Variants in STK32B observed in about 807,000 individuals in gnomAD.
STK32B encodes serine/threonine kinase 32B.
A neutral mutation model predicts 52.6 loss-of-function variants in STK32B; 43 were observed. The ratio of observed to expected loss-of-function variants is 0.82; its 90% CI spans 0.64 to 1.05. STK32B has a LOEUF of 1.05. Ranked by LOEUF, STK32B falls within the 50% of genes least tolerant of loss-of-function variation. The pLI is 0.00. For missense variants in STK32B, 621 were observed against 534.6 expected (o/e 1.16, Z -1.59); for synonymous variants, 238 against 204.3 (o/e 1.17, Z -1.41).
chr4:5,496,633 A>G (rs1328813430), intron 11 of STK32B, among the ~76,000 whole-genome samples: 1 of 151,834 alleles, frequency 6.6e-6, no homozygotes, highest in Non-Finnish European at 1.5e-5. Flanking sequence ...GAAATCACCC[A>G]TCTTCTGCGT....
chr4:5,166,153 C>A (rs1288936875), intron 2 of STK32B, among the ~76,000 whole-genome samples: 1 of 152,046 alleles, frequency 6.6e-6, no homozygotes, highest in African/African-American at 2.4e-5. Flanking sequence ...GGCTGTGACA[C>A]CAGGAGAAAA....
chr4:5,022,907 C>T, the STK32B span, among the ~76,000 whole-genome samples: 1 of 152,156 alleles, frequency 6.6e-6, no homozygotes, highest in African/African-American at 2.4e-5. Flanking sequence ...CCTAGTGTTT[C>T]TGGAGCCCCT....
chr4:5,095,547 AG>A (rs1459345977), intron 1 of STK32B, among the ~76,000 whole-genome samples: 2 of 152,180 alleles, frequency 1.3e-5, no homozygotes, highest in African/African-American at 4.8e-5. Context: ...CCTGGAAGGT[AG>A]AGGTTGCAGT....
At chr4:5,066,643 C>T (rs1742435806) in intron 1 of STK32B, among the ~76,000 whole-genome samples, 1 of 152,184 alleles carries the variant, frequency 6.6e-6, no homozygotes, top group African/African-American at 2.4e-5. Context: ...AAGTTTTCAG[C>T]CAAATCTCTG....
chr4:5,173,137 T>C (rs1322848109), intron 3 of STK32B, among the ~76,000 whole-genome samples: 1 of 152,244 alleles, frequency 6.6e-6, no homozygotes, highest in South Asian at 2.1e-4. Flanking sequence ...TTTGTATTTC[T>C]GTGGGATCGG....
At chr4:5,184,585 G>A (rs1327651544) in intron 3 of STK32B, among the ~76,000 whole-genome samples, 1 of 151,732 alleles carries the variant, frequency 6.6e-6, no homozygotes, top group Non-Finnish European at 1.5e-5. Context: ...CTACTTGGGA[G>A]GCTGAGGCAG....
chr4:5,349,842 C>A (rs1733714226), intron 4 of STK32B, among the ~76,000 whole-genome samples: 1 of 151,934 alleles, frequency 6.6e-6, no homozygotes, highest in African/African-American at 2.4e-5. Context: ...TAATAAAATA[C>A]AAAATACATT....
intron 4 of STK32B, among the ~76,000 whole-genome samples, chr4:5,340,636 T>C (rs1733012584): frequency 1.3e-5 from 2 of 152,238 alleles, no homozygotes; most frequent in South Asian, 4.1e-4. Context: ...GCAGGATTCC[T>C]TGGCTAGGTA....
At chr4:5,353,350 T>G (rs1733963249) in intron 4 of STK32B, among the ~76,000 whole-genome samples, 1 of 147,476 alleles carries the variant, frequency 6.8e-6, no homozygotes. Context: ...GGCAAAGATT[T>G]GATGACTAAG....
chr4:5,353,945 C>G (rs887008634), intron 4 of STK32B, among the ~76,000 whole-genome samples: 3 of 152,154 alleles, frequency 2.0e-5, no homozygotes, highest in Non-Finnish European at 2.9e-5. Context: ...ATATTTATTG[C>G]CACACTATTC....
intron 3 of STK32B, among the ~76,000 whole-genome samples, chr4:5,310,908 A>C (rs932055111): frequency 1.3e-5 from 2 of 152,198 alleles, no homozygotes; most frequent in Non-Finnish European, 2.9e-5. Context: ...AGCTTGATGA[A>C]CATTATGTTA....
At chr4:5,171,949 G>A (rs1719408268) in intron 3 of STK32B, among the ~76,000 whole-genome samples, 2 of 151,770 alleles carry the variant, frequency 1.3e-5, no homozygotes, top group Non-Finnish European at 2.9e-5. Flanking sequence ...AGCATGGAAT[G>A]TTCTTCCATT....
intron 4 of STK32B, among the ~76,000 whole-genome samples, chr4:5,368,978 T>C (rs1045768092): frequency 2.6e-5 from 4 of 152,066 alleles, no homozygotes; most frequent in African/African-American, 9.7e-5. Context: ...AGTATTAGAA[T>C]TGTAGCTGGG....
In STK32B at chr4:5,386,251, C is replaced by G. The variant is rs1262043883; in HGVS notation, c.435-11956C>G. On this transcript the variant is annotated intron_variant, in intron 4 of 11. Coordinates refer to ENST00000282908, the MANE Select transcript of STK32B (RefSeq NM_018401.3). This position sits in a 1 kb window ranked among gnomAD's most constrained non-coding sequence, Gnocchi z 4.5. ...ATTATGCAGTTTTATCTTTGACTGT[C>G]TCTTGTTTTCTTAGCTCCTGGGTAA... Among the ~76,000 whole-genome samples, 1 of 152,002 alleles carries G rather than the reference C, an allele frequency of 6.6e-6. No homozygotes were observed. The highest frequency in any genetic ancestry group is 1.5e-5 in the Non-Finnish European group (1 of 68,020).
At chr4:5,163,883 G>C (rs911362751) in intron 2 of STK32B, among the ~76,000 whole-genome samples, 3 of 152,154 alleles carry the variant, frequency 2.0e-5, no homozygotes, top group African/African-American at 7.2e-5. Context: ...TAAGGGTTTG[G>C]TTCCAGGCAT....
At chr4:5,374,380 A>C (rs80041164) in intron 4 of STK32B, among the ~76,000 whole-genome samples, 1,573 of 152,336 alleles carry the variant, frequency 0.01, 26 homozygotes, top group East Asian at 0.073. Context: ...GTGTTTCAAA[A>C]AGACGCTTCA....
In STK32B at chr4:5,094,467, A is replaced by G. The variant is rs542391694; in HGVS notation, c.52+42552A>G. ...CAGGAGTTCAAGTTCAGCTTGAGCA[A>G]TATAGCCAGATATTGTCTCTACAGA... is the stretch of plus-strand genomic sequence containing the variant. On this transcript the variant is annotated intron_variant, in intron 1 of 11. Coordinates refer to ENST00000282908, the MANE Select transcript of STK32B (RefSeq NM_018401.3). Among the ~76,000 whole-genome samples, 4 of 152,242 alleles carry G rather than the reference A, an allele frequency of 2.6e-5. No individual in the cohort carries two copies. The East Asian group carries it at 7.7e-4, about 29-fold the overall frequency.
In STK32B at chr4:5,189,974, G is replaced by A. The variant is rs144543394; in HGVS notation, c.260+21524G>A. ...AGTAGTTGCTCAGTAAGTAGTTGTC[G>A]AATGAACCAATTGAAAGAATAAATG... On this transcript the variant is annotated intron_variant, in intron 3 of 11. Coordinates refer to ENST00000282908, the MANE Select transcript of STK32B (RefSeq NM_018401.3). 3.0e-3 allele frequency among the ~76,000 whole-genome samples: 458 copies of A among 152,196 alleles called. 1 individual carries two copies. Among genetic ancestry groups the A allele is most frequent in the African/African-American group, 0.01 (428 of 41,504 alleles).
chr4:5,020,672 C>A, the STK32B span, among the ~76,000 whole-genome samples: 2 of 152,142 alleles, frequency 1.3e-5, no homozygotes, highest in African/African-American at 4.8e-5. Flanking sequence ...AGGACTCTTG[C>A]AGGCAGAGAT....
Sources: gnomAD v4.1 joint callset for allele counts (sites outside exome capture counted in the v4.1 genomes callset) on GRCh38, gnomAD v4.1.1 for gene constraint, Gnocchi (gnomAD v3.1) non-coding constraint, MANE v1.5 for transcripts, NCBI Gene and HGNC (gene_info 2026-07-23, HGNC 2026-07-21) for gene names.